The following MED13 variants were observed in gnomAD, a reference collection of about 807,000 sequenced individuals.
MED13 encodes mediator of RNA polymerase II transcription subunit 13.
A neutral mutation model predicts 225.2 loss-of-function variants in MED13; 23 were observed. The ratio of observed to expected loss-of-function variants is 0.10; its 90% CI spans 0.07 to 0.14. The LOEUF is 0.14. Ranked by LOEUF, MED13 falls within the 10% of genes least tolerant of loss-of-function variation. The probability of loss-of-function intolerance (pLI) is 1.00; values close to 1 mark genes in which losing one functional copy is unlikely to be tolerated. For missense variants in MED13, 2,197 were observed against 2,594.5 expected (o/e 0.85, Z 3.33); for synonymous variants, 942 against 889.2 (o/e 1.06, Z -1.06).
chr17:61,972,942 A>G, intron 16 of MED13, 54 bp from the exon 17 acceptor site: 9 of 1,464,604 alleles, frequency 6.1e-6, no homozygotes, highest in Non-Finnish European at 8.3e-6. Context: ...GCCAACACAA[A>G]TAAAATTTTA....
intron 11 of MED13, among the ~76,000 whole-genome samples, chr17:61,990,627 G>GTATGTATATATATATATATATATATA (rs1555635070): frequency 8.6e-5 from 12 of 139,000 alleles, no homozygotes; most frequent in African/African-American, 3.0e-4. Flanking sequence ...GGCGCACTGT[G>GTATGTATATATATATATATATATATA]TATATATATA....
intron 1 of MED13, among the ~76,000 whole-genome samples, chr17:62,064,823 AAC>A (rs1210194610): frequency 5.3e-5 from 8 of 152,188 alleles, no homozygotes; most frequent in Non-Finnish European, 1.0e-4. Flanking sequence ...GGAGAAAAGC[AAC>A]AGTTAAGCAA....
At chr17:62,020,672 C>T (rs891070222) in intron 8 of MED13, among the ~76,000 whole-genome samples, 2 of 142,362 alleles carry the variant, frequency 1.4e-5, no homozygotes, top group African/African-American at 5.2e-5. Context: ...AGTCACTGCA[C>T]CTGGCCTGCT....
chr17:61,969,918 TA>T (rs1049079519), intron 17 of MED13, among the ~76,000 whole-genome samples: 70 of 151,924 alleles, frequency 4.6e-4, no homozygotes, highest in Non-Finnish European at 8.1e-4. Context: ...CTTACCATAA[TA>T]AAAAAATTTT....
chr17:62,054,018 A>T (rs1411726618), intron 2 of MED13, among the ~76,000 whole-genome samples: 1 of 152,178 alleles, frequency 6.6e-6, no homozygotes, highest in Non-Finnish European at 1.5e-5. Flanking sequence ...ATTTTAAATA[A>T]GCTTTAGGCT....
At chr17:62,058,615 C>T (rs1275730993) in intron 2 of MED13, among the ~76,000 whole-genome samples, 3 of 151,354 alleles carry the variant, frequency 2.0e-5, no homozygotes, top group Non-Finnish European at 4.4e-5. Context: ...CAAAACATAT[C>T]GACCCCGATT....
At position 61,965,332 on chromosome 17, in the gene MED13, T is replaced by C. The variant is rs2080047484; in HGVS notation, c.4518A>G (p.Leu1506=). ...TGNANTPSAT[L]ASAASSTMTV... ...TCATAGTGCTGCTCGCTGCAGATGC[T>C]AAGGTGGCAGATGGAGTATTAGCAT... Residue 1506 remains leucine (L), a synonymous_variant, in exon 20 of 30, where the codon TTA becomes TTG. Coordinates refer to ENST00000397786, the MANE Select transcript of MED13 (RefSeq NM_005121.3). 6.2e-7 allele frequency: 1 copy of C among 1,614,102 alleles called. No homozygotes were observed.
At chr17:61,995,062 G>A in intron 10 of MED13, 90 bp downstream of exon 10, 1 of 925,388 alleles carries the variant, frequency 1.1e-6, no homozygotes, top group Non-Finnish European at 1.7e-6. Flanking sequence ...TAAGACAAAA[G>A]AAGTGAGATA....
rs2080046540 is a variant in MED13, at chr17:61,965,256, T to C, written c.4594A>G (p.Thr1532Ala). The change falls in exon 20 of 30, where the codon ACT becomes GCT. Residue 1532 changes from threonine to alanine, a missense_variant. Thr to Ala is a moderately conservative substitution (Grantham distance 58). Around this residue, in one of 12 missense-constraint regions of MED13, gnomAD observed 457 missense variants for 442.2 expected, o/e 1.03. Coordinates refer to ENST00000397786, the MANE Select transcript of MED13 (RefSeq NM_005121.3). ...GATGAAGTTGAAGCTGTGGTCAAAG[T>C]TGAATTAGCTGTGGCAACTGAAGTA... ...ISTSVATANS[T>A]LTTASTSSSS... is the part of the protein sequence containing the mutation. 3 of 1,614,012 alleles carry C rather than the reference T, an allele frequency of 1.9e-6. No homozygotes were observed. Among genetic ancestry groups the C allele is most frequent in the African/African-American group, 1.3e-5 (1 of 74,936 alleles).
intron 3 of MED13, among the ~76,000 whole-genome samples, chr17:62,041,237 T>G (rs901887431): frequency 2.0e-5 from 3 of 152,122 alleles, no homozygotes; most frequent in African/African-American, 7.2e-5. Context: ...GCTTCATAAA[T>G]GAATCTTGAA....
rs2080236643 is a variant in MED13 at position 61,985,104 on chromosome 17, G to A, written c.2386-14C>T. 1.2e-6 allele frequency: 2 copies of A among 1,602,548 alleles called. No homozygotes were observed. The highest frequency in any genetic ancestry group is 3.4e-5 in the Admixed American group (2 of 58,834). ...TTTAGATCCAGGCTATTTAAAAAAA[G>A]CACATATTTATCTAAAATTTTACAT... is the stretch of plus-strand genomic sequence containing the variant. On this transcript the variant is annotated splice_polypyrimidine_tract_variant and intron_variant, in intron 12 of 29. Coordinates refer to ENST00000397786, the MANE Select transcript of MED13 (RefSeq NM_005121.3).
Position 61,956,336 on chromosome 17 carries a change from T to C in MED13, c.5623+3A>G, listed in dbSNP as rs1018202908. On this transcript the variant is annotated splice_donor_region_variant and intron_variant, in intron 24 of 29. Coordinates refer to ENST00000397786, the MANE Select transcript of MED13 (RefSeq NM_005121.3). ...ATAAATACTAATAAAAGCACAATTT[T>C]ACCTTTCAATTCTCCATGACCAATC... 1.0e-5 allele frequency: 16 copies of C among 1,605,960 alleles called. No individual in the cohort carries two copies. The highest frequency in any genetic ancestry group is 1.4e-5 in the Non-Finnish European group (16 of 1,177,774).
chr17:61,993,163 T>TCAAATTC (rs1163273028), intron 10 of MED13, among the ~76,000 whole-genome samples: 1 of 151,642 alleles, frequency 6.6e-6, no homozygotes, highest in Non-Finnish European at 1.5e-5. Context: ...CCTAAATCTG[T>TCAAATTC]CAAATTCCAA....
At chr17:61,965,613 A>C (rs1478817814) in intron 19 of MED13, 145 bp from the exon 20 acceptor site, 7 of 753,348 alleles carry the variant, frequency 9.3e-6, no homozygotes, top group Non-Finnish European at 1.4e-5. Context: ...GGTGTGACCT[A>C]CACTTGCTTT....
intron 3 of MED13, among the ~76,000 whole-genome samples, chr17:62,045,466 T>C (rs1460604935): frequency 1.3e-5 from 2 of 151,854 alleles, no homozygotes; most frequent in Non-Finnish European, 2.9e-5. Flanking sequence ...GTGGCTGCAA[T>C]GAGTTATGAT....
rs1162849864 is a variant in MED13 at position 61,961,089 on chromosome 17, C to G, written c.5258G>C (p.Arg1753Thr). The change falls in exon 23 of 30, where the codon AGA becomes ACA. Residue 1753 changes from arginine (R) to threonine (T), a missense_variant and splice_region_variant. Physicochemically the swap from Arg to Thr is moderately conservative, Grantham distance 71. Coordinates refer to ENST00000397786, the MANE Select transcript of MED13 (RefSeq NM_005121.3). ...AMETALRSPD[R>T]PECIRLYAPP... ...TGCATAAAGTCGAATACACTCTGGT[C>G]TCTATAAAATAAAAAATTAAGGTAT... 1 of 1,607,634 alleles carries G rather than the reference C, an allele frequency of 6.2e-7. No individual in the cohort carries two copies. Among genetic ancestry groups the G allele is most frequent in the Admixed American group, 1.7e-5 (1 of 59,718 alleles).
intron 8 of MED13, among the ~76,000 whole-genome samples, chr17:62,027,531 C>A (rs540842933): frequency 3.2e-4 from 49 of 152,314 alleles, no homozygotes; most frequent in Admixed American, 2.2e-3. Flanking sequence ...GCAAAAATTT[C>A]ATGACGAAGA....
intron 8 of MED13, among the ~76,000 whole-genome samples, chr17:62,014,501 G>A (rs1287633430): frequency 6.6e-6 from 1 of 151,966 alleles, no homozygotes; most frequent in Non-Finnish European, 1.5e-5. Context: ...ATTTTCAGTA[G>A]AGGTGGGGTT....
intron 28 of MED13, among the ~76,000 whole-genome samples, chr17:61,949,742 C>T (rs1415627842): frequency 6.6e-6 from 1 of 151,992 alleles, no homozygotes; most frequent in Non-Finnish European, 1.5e-5. Context: ...GGCTGGAGTG[C>T]AGTGGCGCGA....
Sources: gnomAD v4.1 joint callset for allele counts (sites outside exome capture counted in the v4.1 genomes callset) on GRCh38, gnomAD v4.1.1 for gene constraint, gnomAD v4.1.1 regional missense constraint, MANE v1.5 for transcripts, NCBI Gene and HGNC (gene_info 2026-07-23, HGNC 2026-07-21) for gene names.